The following ANKS1A variants were observed in gnomAD, a reference collection of about 807,000 sequenced individuals.
ANKS1A encodes ankyrin repeat and SAM domain-containing protein 1A.
Under a neutral mutation model 120.3 loss-of-function variants are expected in ANKS1A, and 55 were observed. That is an observed-to-expected ratio of 0.46 (90% CI 0.37 to 0.57). The LOEUF is 0.57. Among genes scored for constraint, ANKS1A ranks in the 20% least tolerant of loss-of-function variants. The probability of loss-of-function intolerance (pLI) is 0.00; values close to 1 mark genes in which losing one functional copy is unlikely to be tolerated. For synonymous variants in ANKS1A, 590 were observed against 604.7 expected, an observed-to-expected ratio of 0.98 and a Z score of 0.36; for missense variants, 1,123 against 1,480.3, an observed-to-expected ratio of 0.76 and a Z score of 3.96.
intron 11 of ANKS1A, among the ~76,000 whole-genome samples, chr6:35,023,241 T>C (rs1221476138): frequency 6.6e-6 from 1 of 152,118 alleles, no homozygotes; most frequent in Non-Finnish European, 1.5e-5. Flanking sequence ...TACCCAAACC[T>C]GTGTAAATAA....
rs367977706 is a variant in ANKS1A at position 35,085,855 on chromosome 6, G to A, written c.3222G>A (p.Thr1074=). 9 of 1,613,512 alleles carry A rather than the reference G, an allele frequency of 5.6e-6. No individual in the cohort carries two copies. Among genetic ancestry groups the A allele is most frequent in the African/African-American group, 4.0e-5 (3 of 74,848 alleles). The change falls in exon 22 of 24, where the codon ACG becomes ACA. Residue 1074 remains threonine, a synonymous_variant. Coordinates refer to ENST00000360359, the MANE Select transcript of ANKS1A (RefSeq NM_015245.3). The surrounding 1 kb of genome is among the most constrained non-coding windows in gnomAD (Gnocchi z 4.7). ...LALQAQKSRA[T]GASAAEMIET... ...TGCAGGCCCAGAAGTCCAGGGCGAC[G>A]GGCGCCTCTGCAGCTGAGATGATTG...
At position 34,889,348 on chromosome 6, in the gene ANKS1A, G is replaced by T. The variant is rs532294567; in HGVS notation, c.-55G>T. ...CCGGAGACGGAAAGTTTGGGAGCCC[G>T]AGCAGGCTCGGCTGCAGCCTCGGGG... is the stretch of plus-strand genomic sequence containing the variant. On this transcript the variant is annotated 5_prime_UTR_variant, in exon 1 of 24. Transcript: ENST00000360359. This position sits in a 1 kb window ranked among gnomAD's most constrained non-coding sequence, Gnocchi z 5.5. 1.0e-4 allele frequency: 128 copies of T among 1,238,174 alleles called. 1 individual carries two copies. In the South Asian group the frequency reaches 4.1e-3, roughly 39 times the overall value. The allele number at this position is 1,238,174 out of a possible 1,614,324, so 76.7% of individuals were successfully genotyped here.
intron 1 of ANKS1A, among the ~76,000 whole-genome samples, chr6:34,956,280 A>G (rs1438489654): frequency 6.7e-6 from 1 of 150,014 alleles, no homozygotes; most frequent in Non-Finnish European, 1.5e-5. Context: ...TTCTTCTGTG[A>G]TAATAGGTTT....
At chr6:34,958,825 G>A (rs1009917731) in intron 1 of ANKS1A, among the ~76,000 whole-genome samples, 3 of 152,206 alleles carry the variant, frequency 2.0e-5, no homozygotes, top group Admixed American at 2.0e-4. Flanking sequence ...CTCAACTTAA[G>A]TATCTCCTCT....
chr6:35,082,650 C>T lies in ANKS1A; in HGVS notation c.2710-41C>T, dbSNP rs765424532. Reference sequence around the variant, plus strand: ...CCAGGCAGCAAGCCCATGTGCTCCTCTGGAGCAAGGAGCAGGTGTCCAATT... The same window carrying T: ...CCAGGCAGCAAGCCCATGTGCTCCTTTGGAGCAAGGAGCAGGTGTCCAATT... On this transcript the variant is annotated intron_variant, in intron 17 of 23. Transcript: ENST00000360359. The surrounding 1 kb of genome is among the most constrained non-coding windows in gnomAD (Gnocchi z 4.1). 6.3e-7 allele frequency: 1 copy of T among 1,578,854 alleles called. No individual in the cohort carries two copies. The highest frequency in any genetic ancestry group is 1.2e-5 in the South Asian group (1 of 86,126).
At chr6:34,976,970 T>C (rs1441553306) in intron 3 of ANKS1A, among the ~76,000 whole-genome samples, 1 of 152,194 alleles carries the variant, frequency 6.6e-6, no homozygotes, top group Non-Finnish European at 1.5e-5. Context: ...TTTGGAAAAT[T>C]CAATATTGAT....
chr6:34,935,267 T>G (rs1375435438), intron 1 of ANKS1A, among the ~76,000 whole-genome samples: 3 of 152,184 alleles, frequency 2.0e-5, no homozygotes, highest in African/African-American at 4.8e-5. Flanking sequence ...TTGAAATTTT[T>G]GTAGAGACGG....
At chr6:35,016,842 G>A (rs1485705462) in intron 10 of ANKS1A, among the ~76,000 whole-genome samples, 3 of 151,522 alleles carry the variant, frequency 2.0e-5, no homozygotes, top group Non-Finnish European at 2.9e-5. Flanking sequence ...GTGGAACTCG[G>A]AATGGCCCCC....
Position 35,083,167 on chromosome 6 carries a change from A to G in ANKS1A, c.2848A>G (p.Met950Val), listed in dbSNP as rs1296680605. 7 of 1,614,032 alleles carry G rather than the reference A, an allele frequency of 4.3e-6. No homozygotes were observed. The highest frequency in any genetic ancestry group is 5.9e-6 in the Non-Finnish European group (7 of 1,180,032). Reference sequence around the variant, plus strand: ...CTCGCCCCCACAGTATCTGGGCTCCATGCTGATCAAAGATCTGCGAGGGAC... The same window carrying G: ...CTCGCCCCCACAGTATCTGGGCTCCGTGCTGATCAAAGATCTGCGAGGGAC... ...CGYEANYLGS[M>V]LIKDLRGTES... Residue 950 changes from methionine (M) to valine (V), a missense_variant, in exon 19 of 24, where the codon ATG becomes GTG. Met to Val is a conservative substitution (Grantham distance 21). Transcript: ENST00000360359.
intron 1 of ANKS1A, among the ~76,000 whole-genome samples, chr6:34,893,687 A>G (rs934144960): frequency 6.6e-6 from 1 of 152,328 alleles, no homozygotes; most frequent in Middle Eastern, 3.4e-3. Context: ...TTATAGTAGT[A>G]TGATACGTCT....
intron 1 of ANKS1A, among the ~76,000 whole-genome samples, chr6:34,930,407 C>A (rs1176618123): frequency 6.6e-6 from 1 of 152,206 alleles, no homozygotes; most frequent in Non-Finnish European, 1.5e-5. Context: ...GTGCTGCCAG[C>A]CCAGGCTGTG....
At chr6:35,016,957 T>C (rs982579190) in intron 10 of ANKS1A, among the ~76,000 whole-genome samples, 18 of 90,734 alleles carry the variant, frequency 2.0e-4, no homozygotes, top group South Asian at 3.3e-4. Context: ...TTTTTTTTTT[T>C]CTGTTGCTGC....
intron 11 of ANKS1A, chr6:35,038,306 G>A (rs1478988789): frequency 2.2e-6 from 1 of 456,602 alleles, no homozygotes; most frequent in South Asian, 1.5e-5. Context: ...GGTGAAGATG[G>A]GGAAACTGGA....
chr6:34,981,572 C>G, intron 3 of ANKS1A, 118 bp from the exon 4 acceptor site: 1 of 1,128,710 alleles, frequency 8.9e-7, no homozygotes, highest in Non-Finnish European at 1.3e-6. Context: ...TTTATTAGCC[C>G]CCAAGTGTTG....
At chr6:35,005,361 CTA>C (rs1379056246) in intron 10 of ANKS1A, among the ~76,000 whole-genome samples, 19 of 152,126 alleles carry the variant, frequency 1.2e-4, no homozygotes, top group African/African-American at 4.3e-4. Flanking sequence ...TATGTTTAGT[CTA>C]TGAGTTGCCT....
intron 11 of ANKS1A, among the ~76,000 whole-genome samples, chr6:35,033,084 T>A (rs1196578271): frequency 6.6e-6 from 1 of 152,260 alleles, no homozygotes; most frequent in East Asian, 1.9e-4. Context: ...TCCCCCTTGA[T>A]AATGTCACAT....
At chr6:35,006,408 A>C (rs1773459135) in intron 10 of ANKS1A, among the ~76,000 whole-genome samples, 1 of 152,028 alleles carries the variant, frequency 6.6e-6, no homozygotes, top group Non-Finnish European at 1.5e-5. Context: ...AATGCTTGAG[A>C]GTATGGATGC....
At chr6:35,027,410 A>T (rs1581667426) in intron 11 of ANKS1A, among the ~76,000 whole-genome samples, 1 of 152,154 alleles carries the variant, frequency 6.6e-6, no homozygotes, top group Admixed American at 6.6e-5. Flanking sequence ...TCCTGGGTGG[A>T]CTTAGGGGAC....
intron 12 of ANKS1A, among the ~76,000 whole-genome samples, chr6:35,055,776 G>C (rs1776195179): frequency 6.6e-6 from 1 of 152,208 alleles, no homozygotes; most frequent in Non-Finnish European, 1.5e-5. Context: ...GTTTCCCTGG[G>C]TGCTAGCAGA....
Sources: allele counts gnomAD v4.1 joint callset (sites outside exome capture counted in the v4.1 genomes callset), GRCh38; gene constraint gnomAD v4.1.1; non-coding constraint Gnocchi (gnomAD v3.1); transcripts MANE v1.5; gene names NCBI Gene and HGNC (gene_info 2026-07-23, HGNC 2026-07-21).